The following ULK4 variants were observed in gnomAD, a reference collection of about 807,000 sequenced individuals.
ULK4 encodes unc-51 like kinase 4, also known as inactive serine/threonine-protein kinase ULK4.
ULK4 carries 133 observed loss-of-function variants against 160.6 expected under a neutral mutation model. The ratio of observed to expected loss-of-function variants is 0.83; its 90% confidence interval spans 0.72 to 0.96. ULK4 has a LOEUF of 0.96. ULK4 is among the 40% of genes least tolerant of loss of function. The pLI is 0.00. For synonymous variants in ULK4, 534 were observed against 539.8 expected, an observed-to-expected ratio of 0.99 and a Z score of 0.15; for missense variants, 1,580 against 1,499.5, an observed-to-expected ratio of 1.05 and a Z score of -0.89.
intron 32 of ULK4, among the ~76,000 whole-genome samples, chr3:41,519,196 A>G (rs1575346041): frequency 1.3e-5 from 2 of 152,184 alleles, no homozygotes; most frequent in South Asian, 2.1e-4. Flanking sequence ...GTTGAACACA[A>G]AGTGGCTGCC....
intron 32 of ULK4, 92 bp from the exon 33 acceptor site, chr3:41,463,345 T>C: frequency 1.6e-6 from 2 of 1,270,890 alleles, no homozygotes; most frequent in Non-Finnish European, 2.2e-6. Flanking sequence ...GGCTCTATGT[T>C]GCATAAACCC....
At chr3:41,253,679 C>T (rs2078779984) in intron 35 of ULK4, among the ~76,000 whole-genome samples, 1 of 152,050 alleles carries the variant, frequency 6.6e-6, no homozygotes, top group African/African-American at 2.4e-5. Context: ...CCAAGAATTA[C>T]ATTAAATGTA....
chr3:41,247,024 T>C (rs373109226), intron 36 of ULK4, 32 bp from the exon 37 acceptor site: 3 of 1,605,008 alleles, frequency 1.9e-6, no homozygotes, highest in Non-Finnish European at 2.6e-6. Flanking sequence ...GTACACTTAA[T>C]AGGCATCTCT....
chr3:41,642,469 T>C (rs1409133711), intron 30 of ULK4, among the ~76,000 whole-genome samples: 2 of 152,190 alleles, frequency 1.3e-5, no homozygotes, highest in African/African-American at 2.4e-5. Context: ...CATAGTTTAC[T>C]GAGAATGATG....
intron 34 of ULK4, among the ~76,000 whole-genome samples, chr3:41,447,083 CAAAAAAAAAAAAAAAAA>C (rs756911141): frequency 1.1e-4 from 6 of 53,682 alleles, no homozygotes; most frequent in African/African-American, 3.9e-4. Context: ...GACTCTGTCT[CAAAAAAAAAAAAAAAAA>C]AAAAAAAAAG....
At chr3:41,729,947 T>C (rs1352296291) in intron 22 of ULK4, among the ~76,000 whole-genome samples, 1 of 152,236 alleles carries the variant, frequency 6.6e-6, no homozygotes, top group Non-Finnish European at 1.5e-5. Flanking sequence ...TTATATTAAG[T>C]ATCTTTTCTG....
chr3:41,668,475 T>C (rs1230986368), intron 29 of ULK4, among the ~76,000 whole-genome samples: 1 of 152,206 alleles, frequency 6.6e-6, no homozygotes, highest in Non-Finnish European at 1.5e-5. Context: ...CAGTATTCAG[T>C]GCAGTAACAT....
At chr3:41,762,873 C>G (rs187448178) in intron 21 of ULK4, among the ~76,000 whole-genome samples, 194 of 152,034 alleles carry the variant, frequency 1.3e-3, no homozygotes, top group Admixed American at 2.5e-3. Flanking sequence ...CACTGTTAGC[C>G]AGGATTGTCT....
At chr3:41,763,659 G>A (rs565182583) in intron 21 of ULK4, among the ~76,000 whole-genome samples, 5 of 152,162 alleles carry the variant, frequency 3.3e-5, no homozygotes, top group Non-Finnish European at 1.5e-5. Context: ...AAGCTGCTAT[G>A]GACATTCTTG....
chr3:41,624,173 G>A (rs1306770760), intron 30 of ULK4, among the ~76,000 whole-genome samples: 4 of 152,108 alleles, frequency 2.6e-5, no homozygotes, highest in South Asian at 2.1e-4. Context: ...TCAAAACCAC[G>A]AACAACTTCA....
intron 32 of ULK4, among the ~76,000 whole-genome samples, chr3:41,484,756 T>G (rs1423690614): frequency 1.3e-5 from 2 of 151,934 alleles, no homozygotes; most frequent in Admixed American, 1.3e-4. Flanking sequence ...CCGGCCCGAG[T>G]GACCTTTTTA....
intron 32 of ULK4, among the ~76,000 whole-genome samples, chr3:41,564,384 C>T (rs565209493): frequency 9.9e-5 from 15 of 151,434 alleles, no homozygotes; most frequent in African/African-American, 2.7e-4. Context: ...AGAGCTCAAA[C>T]GCCATGCTGG....
chr3:41,576,585 A>C (rs770001184), intron 31 of ULK4, among the ~76,000 whole-genome samples: 1 of 152,362 alleles, frequency 6.6e-6, no homozygotes, highest in South Asian at 2.1e-4. Context: ...AGTGACTAGA[A>C]ACTGCCTTCA....
intron 32 of ULK4, among the ~76,000 whole-genome samples, chr3:41,556,660 T>A (rs980937056): frequency 6.6e-6 from 1 of 151,952 alleles, no homozygotes; most frequent in Non-Finnish European, 1.5e-5. Context: ...GCTAACTTTT[T>A]GTATTTTTAG....
intron 2 of ULK4, among the ~76,000 whole-genome samples, chr3:41,941,432 C>A (rs932212270): frequency 2.0e-5 from 3 of 151,346 alleles, no homozygotes; most frequent in Non-Finnish European, 4.4e-5. Context: ...CAGAGCTCCC[C>A]ATTTTAAAAA....
chr3:41,850,799 G>A (rs1028830572), intron 17 of ULK4, among the ~76,000 whole-genome samples: 3 of 152,144 alleles, frequency 2.0e-5, no homozygotes, highest in Admixed American at 2.0e-4. Context: ...CTGTGCAGAA[G>A]CTCTTTAGTT....
At chr3:41,674,167 A>G (rs566011774) in intron 29 of ULK4, among the ~76,000 whole-genome samples, 1 of 152,210 alleles carries the variant, frequency 6.6e-6, no homozygotes, top group East Asian at 1.9e-4. Context: ...AATAATAAAC[A>G]ATGGTGTTTC....
At chr3:41,653,968 T>C (rs2034840241) in intron 30 of ULK4, among the ~76,000 whole-genome samples, 2 of 152,230 alleles carry the variant, frequency 1.3e-5, no homozygotes, top group Admixed American at 1.3e-4. Flanking sequence ...AAACCTAAGT[T>C]GTTTCCTTGT....
chr3:41,300,837 T>TTTTATATA (rs1491100332), intron 35 of ULK4, among the ~76,000 whole-genome samples: 21 of 57,872 alleles, frequency 3.6e-4, no homozygotes, highest in African/African-American at 9.1e-4. Flanking sequence ...ATTTTACAGA[T>TTTTATATA]TATATATATA....
Sources: allele counts gnomAD v4.1 joint callset (sites outside exome capture counted in the v4.1 genomes callset), GRCh38; gene constraint gnomAD v4.1.1; transcripts MANE v1.5; gene names NCBI Gene and HGNC (gene_info 2026-07-23, HGNC 2026-07-21).